The following SNX5 variants were observed in gnomAD, a reference collection of about 807,000 sequenced individuals.
SNX5 encodes sorting nexin 5.
A neutral mutation model predicts 53.9 loss-of-function variants in SNX5; 31 were observed. That is an observed-to-expected ratio of 0.58 (90% CI 0.43 to 0.78). The LOEUF (loss-of-function observed/expected upper bound fraction) is 0.78, where lower values mean the gene tolerates loss of function less well. SNX5 is among the 30% of genes least tolerant of loss of function. The probability of loss-of-function intolerance (pLI) is 0.00; values close to 1 mark genes in which losing one functional copy is unlikely to be tolerated. For missense variants in SNX5, 471 were observed against 478.8 expected (o/e 0.98, Z 0.15); for synonymous variants, 168 against 171.1 (o/e 0.98, Z 0.14).
At chr20:17,961,780 A>C (rs778307580) in intron 1 of SNX5, 286 of 985,352 alleles carry the variant, frequency 2.9e-4, no homozygotes, top group Non-Finnish European at 3.3e-4. Flanking sequence ...TAAGAAACTA[A>C]GATTTTGCCA....
At chr20:17,948,429 T>A (rs2039515727) in intron 10 of SNX5, among the ~76,000 whole-genome samples, 2 of 152,262 alleles carry the variant, frequency 1.3e-5, no homozygotes, top group Non-Finnish European at 2.9e-5. Flanking sequence ...TTAGAGGGCA[T>A]ACAATCCTAT....
Position 17,942,417 on chromosome 20 carries a change from A to T in SNX5, c.1165-10T>A. 6.2e-7 allele frequency: 1 copy of T among 1,608,548 alleles called. No individual in the cohort carries two copies. Among genetic ancestry groups the T allele is most frequent in the Non-Finnish European group, 8.5e-7 (1 of 1,175,052 alleles). ...AAAGGGAGACATTGTTCTGTGGGGA[A>T]AAAAGGCAAGGCAGACCAGTGAATT... On this transcript the variant is annotated splice_polypyrimidine_tract_variant and intron_variant, in intron 12 of 12. Transcript: ENST00000377759.
chr20:17,963,479 T>C (rs2035490406), intron 1 of SNX5, among the ~76,000 whole-genome samples: 1 of 151,898 alleles, frequency 6.6e-6, no homozygotes, highest in South Asian at 2.1e-4. Flanking sequence ...TCTCAAAAAG[T>C]AAAAAACAGA....
In SNX5 at chr20:17,968,404, G is replaced by C; in HGVS notation, c.22C>G (p.Leu8Val). MAAVPEL[L>V]QQQEEDRSKL... ...CTGCGGTCCTCCTCCTGCTGCTGCA[G>C]CAACTCGGGAACCGCGGCCATGGCG... The change falls in exon 1 of 13, where the codon CTG becomes GTG. Residue 8 changes from leucine to valine, a missense_variant. Leu to Val is a conservative substitution (Grantham distance 32). Coordinates refer to ENST00000377759, the MANE Select transcript of SNX5 (RefSeq NM_014426.4). 1 of 1,287,824 alleles carries C rather than the reference G, an allele frequency of 7.8e-7. No homozygotes were observed. The highest frequency in any genetic ancestry group is 9.9e-7 in the Non-Finnish European group (1 of 1,014,204). 79.8% of individuals were successfully genotyped at this position (1,287,824 alleles called of 1,614,324 possible). A position where few individuals can be genotyped will look rare whatever the true frequency, so the allele number is the denominator to read the frequency against.
chr20:17,953,867 C>T (rs535521074), intron 4 of SNX5, 129 bp downstream of exon 4: 31 of 735,460 alleles, frequency 4.2e-5, no homozygotes, highest in Non-Finnish European at 5.9e-5. Context: ...TTTTAGAAAA[C>T]GACGCTAGGG....
chr20:17,955,200 A>T (rs1175381608), intron 3 of SNX5, among the ~76,000 whole-genome samples, 165 bp downstream of exon 3: 1 of 152,222 alleles, frequency 6.6e-6, no homozygotes, highest in Non-Finnish European at 1.5e-5. Context: ...AAGCTGTAAC[A>T]CTATTCCTTC....
intron 10 of SNX5, 74 bp from the exon 11 acceptor site, chr20:17,947,719 C>T: frequency 7.8e-7 from 1 of 1,289,154 alleles, no homozygotes; most frequent in Non-Finnish European, 1.1e-6. Context: ...TGCCAATGTA[C>T]CACCTGAGAT....
intron 12 of SNX5, 150 bp from the exon 13 acceptor site, chr20:17,942,557 C>T (rs1042814605): frequency 1.5e-6 from 1 of 672,588 alleles, no homozygotes; most frequent in East Asian, 2.7e-5. Flanking sequence ...CCCAGGTGAA[C>T]TGCAACGTAC....
intron 12 of SNX5, 80 bp downstream of exon 12, chr20:17,943,027 CTGA>C: frequency 1.1e-6 from 1 of 933,082 alleles, no homozygotes; most frequent in South Asian, 1.4e-5. Context: ...CCCCAACTGC[CTGA>C]TGACAATGGG....
intron 1 of SNX5, among the ~76,000 whole-genome samples, chr20:17,959,549 C>T (rs892351280): frequency 6.6e-6 from 1 of 152,150 alleles, no homozygotes; most frequent in Non-Finnish European, 1.5e-5. Flanking sequence ...ACAGTCCTAA[C>T]CACCAAATAA....
At chr20:17,954,816 T>C (rs1342516704) in intron 3 of SNX5, among the ~76,000 whole-genome samples, 2 of 152,160 alleles carry the variant, frequency 1.3e-5, no homozygotes, top group African/African-American at 4.8e-5. Context: ...GTTCAAGCGA[T>C]TCTCATGCCT....
chr20:17,950,029 C>T, intron 8 of SNX5, 103 bp downstream of exon 8: 2 of 940,180 alleles, frequency 2.1e-6, no homozygotes, highest in East Asian at 2.5e-5. Flanking sequence ...GAGCTTGTAA[C>T]TCCAGAGCAG....
intron 5 of SNX5, 138 bp from the exon 6 acceptor site, chr20:17,951,733 C>T (rs1256084849): frequency 1.6e-6 from 1 of 611,706 alleles, no homozygotes; most frequent in Non-Finnish European, 2.9e-6. Flanking sequence ...TCTGCCTTAA[C>T]CTCCAAGCTT....
intron 2 of SNX5, among the ~76,000 whole-genome samples, chr20:17,956,446 G>A (rs1001085387): frequency 1.3e-5 from 2 of 152,128 alleles, no homozygotes; most frequent in Non-Finnish European, 2.9e-5. Flanking sequence ...GCTGGGGCCC[G>A]GTGTGGTGGC....
intron 3 of SNX5, chr20:17,954,370 C>G: frequency 2.6e-6 from 1 of 391,196 alleles, no homozygotes. Flanking sequence ...GACAATTGTT[C>G]AGAGCACAAC....
intron 4 of SNX5, among the ~76,000 whole-genome samples, chr20:17,953,118 A>G (rs2039592868): frequency 6.6e-6 from 1 of 152,226 alleles, no homozygotes; most frequent in African/African-American, 2.4e-5. Flanking sequence ...CTAGACATTA[A>G]AAGTCACCTT....
Position 17,956,086 on chromosome 20 carries a change from A to G in SNX5, c.157-611T>C, listed in dbSNP as rs949726273. On this transcript the variant is annotated intron_variant, in intron 2 of 12. Coordinates refer to ENST00000377759, the MANE Select transcript of SNX5 (RefSeq NM_014426.4). ...GCCACCCAACCCAGCCCCAAATTCT[A>G]TTTTTGTAAGTCTGAATTTACCCCC... Among the ~76,000 whole-genome samples the G allele has an allele frequency of 1.2e-4, 18 of 152,032 alleles. 1 individual carries two copies. Among genetic ancestry groups the G allele is most frequent in the Admixed American group, 6.6e-5 (1 of 15,256 alleles).
intron 4 of SNX5, among the ~76,000 whole-genome samples, chr20:17,953,494 T>A (rs981045784): frequency 6.6e-6 from 1 of 152,238 alleles, no homozygotes; most frequent in Non-Finnish European, 1.5e-5. Context: ...AACAGCACTA[T>A]TTGGCCTGGC....
At position 17,950,402 on chromosome 20, in the gene SNX5, A is replaced by C. The variant is rs1167187594; in HGVS notation, c.610-6T>G. ...TCAAAGAAGTCATCTACCTCCTAGA[A>C]GGAAGAAAAAAAGAACCAGACATTT... On this transcript the variant is annotated splice_polypyrimidine_tract_variant and splice_region_variant and intron_variant, in intron 6 of 12. Transcript: ENST00000377759. The C allele has an allele frequency of 6.5e-7, 1 of 1,539,618 alleles. No individual in the cohort carries two copies. Among genetic ancestry groups the C allele is most frequent in the Non-Finnish European group, 9.0e-7 (1 of 1,116,892 alleles).
Sources: allele counts gnomAD v4.1 joint callset (sites outside exome capture counted in the v4.1 genomes callset), GRCh38; gene constraint gnomAD v4.1.1; transcripts MANE v1.5; gene names NCBI Gene and HGNC (gene_info 2026-07-23, HGNC 2026-07-21).